Variants in PIP5K1B observed in about 807,000 individuals in gnomAD.
PIP5K1B encodes phosphatidylinositol-4-phosphate 5-kinase type 1 beta.
In PIP5K1B, 42 loss-of-function variants were observed where a neutral mutation model predicts 67.0. The ratio of observed to expected loss-of-function variants is 0.63; its 90% CI spans 0.49 to 0.81. The LOEUF (loss-of-function observed/expected upper bound fraction) is 0.81. Among genes scored for constraint, PIP5K1B ranks in the 30% least tolerant of loss-of-function variants. PIP5K1B has a pLI of 0.00. For missense variants in PIP5K1B, 459 were observed against 646.3 expected (o/e 0.71, Z 3.14); for synonymous variants, 214 against 231.4 (o/e 0.92, Z 0.68).
intron 4 of PIP5K1B, among the ~76,000 whole-genome samples, chr9:68,857,959 T>TTGTTGTTGTTG (rs1822867352): frequency 6.0e-5 from 9 of 149,306 alleles, no homozygotes; most frequent in African/African-American, 2.2e-4. Context: ...CTCTTGCTGT[T>TTGTTGTTGTTG]TTGTTGTTGT....
intron 14 of PIP5K1B, among the ~76,000 whole-genome samples, chr9:68,975,266 G>A (rs1444428077): frequency 2.0e-5 from 3 of 151,472 alleles, no homozygotes; most frequent in Non-Finnish European, 4.4e-5. Context: ...ACAGGGTTTC[G>A]CCATTTTCCC....
At chr9:68,791,082 A>G (rs562653709) in intron 2 of PIP5K1B, among the ~76,000 whole-genome samples, 4 of 152,304 alleles carry the variant, frequency 2.6e-5, no homozygotes, top group South Asian at 2.1e-4. Context: ...CCAGTTGCCT[A>G]CAGTGGTCCC....
chr9:68,758,087 T>G (rs1263967099), intron 2 of PIP5K1B, among the ~76,000 whole-genome samples: 2 of 151,808 alleles, frequency 1.3e-5, no homozygotes, highest in East Asian at 3.9e-4. Flanking sequence ...CGGAAAGAGG[T>G]TTAGAACTTG....
chr9:68,830,405 A>G (rs1042534042), intron 4 of PIP5K1B, among the ~76,000 whole-genome samples: 1 of 147,830 alleles, frequency 6.8e-6, no homozygotes, highest in Admixed American at 6.9e-5. Context: ...AAGCAAAAAG[A>G]ATTGGCAGCT....
At position 68,863,864 on chromosome 9, in the gene PIP5K1B, A is replaced by G; in HGVS notation, c.97A>G (p.Ile33Val). The G allele has an allele frequency of 6.2e-7, 1 of 1,613,870 alleles. No individual in the cohort carries two copies. ...KTASSAIKGA[I>V]QLGIGYTVGN... is the part of the protein sequence containing the mutation. ...TGCATCATCTGCTATTAAAGGTGCT[A>G]TTCAGCTGGGAATAGGATACACAGT... Residue 33 changes from isoleucine (I) to valine (V), a missense_variant, in exon 5 of 16, where the codon ATT (isoleucine) becomes GTT (valine). Ile to Val is a conservative substitution (Grantham distance 29). Transcript: ENST00000265382.
intron 15 of PIP5K1B, among the ~76,000 whole-genome samples, chr9:69,002,171 T>A (rs1888333): frequency 0.6 from 91,901 of 151,976 alleles, 27,897 homozygotes; most frequent in South Asian, 0.63. Flanking sequence ...CTACCAGATC[T>A]GGAACAAAAT....
intron 13 of PIP5K1B, among the ~76,000 whole-genome samples, chr9:68,939,532 C>T (rs1368294379): frequency 1.3e-5 from 2 of 152,208 alleles, no homozygotes; most frequent in Admixed American, 1.3e-4. Context: ...TGAAGCCTTT[C>T]TAATTTTTGA....
At chr9:68,714,827 C>T (rs1382234884) in intron 1 of PIP5K1B, among the ~76,000 whole-genome samples, 1 of 151,992 alleles carries the variant, frequency 6.6e-6, no homozygotes, top group Non-Finnish European at 1.5e-5. Context: ...ACTTGCCCAA[C>T]CCTACCGCAA....
At chr9:68,912,396 A>G (rs1303846024) in intron 8 of PIP5K1B, among the ~76,000 whole-genome samples, 1 of 152,220 alleles carries the variant, frequency 6.6e-6, no homozygotes, top group East Asian at 1.9e-4. Flanking sequence ...AAAAAGTGGA[A>G]AAGTCAAATA....
chr9:68,943,822 C>T (rs1004983039), intron 14 of PIP5K1B, among the ~76,000 whole-genome samples: 1 of 152,178 alleles, frequency 6.6e-6, no homozygotes, highest in African/African-American at 2.4e-5. Context: ...GCTGCAAATA[C>T]TTCAACTAGC....
chr9:68,731,868 T>G (rs2132290757), intron 1 of PIP5K1B, among the ~76,000 whole-genome samples: 1 of 152,348 alleles, frequency 6.6e-6, no homozygotes, highest in Admixed American at 6.5e-5. Flanking sequence ...ATTATACTGT[T>G]TACTTTTGAA....
chr9:68,861,323 AC>A (rs1229165460), intron 4 of PIP5K1B, among the ~76,000 whole-genome samples: 1 of 152,102 alleles, frequency 6.6e-6, no homozygotes, highest in Non-Finnish European at 1.5e-5. Flanking sequence ...TTTGGTCCTC[AC>A]TCCAGACCTT....
chr9:68,817,085 A>C (rs535203403), intron 2 of PIP5K1B, among the ~76,000 whole-genome samples: 3 of 152,256 alleles, frequency 2.0e-5, no homozygotes, highest in Non-Finnish European at 2.9e-5. Context: ...ACAGCCCAGT[A>C]TAAAAATAGT....
chr9:68,918,186 T>C (rs1435446795), intron 9 of PIP5K1B, among the ~76,000 whole-genome samples: 3 of 150,814 alleles, frequency 2.0e-5, no homozygotes. Flanking sequence ...ACCTCCCAGG[T>C]TCAAGCGATT....
At chr9:68,938,610 A>G (rs1827395513) in intron 13 of PIP5K1B, among the ~76,000 whole-genome samples, 1 of 152,122 alleles carries the variant, frequency 6.6e-6, no homozygotes, top group Admixed American at 6.6e-5. Context: ...TAATATTGTT[A>G]TGTGTGAATT....
intron 6 of PIP5K1B, among the ~76,000 whole-genome samples, chr9:68,885,977 C>T (rs1438007502): frequency 6.6e-6 from 1 of 152,078 alleles, no homozygotes; most frequent in African/African-American, 2.4e-5. Context: ...GTCAGGAGAT[C>T]GAGACCATCC....
At chr9:68,726,614 CA>C (rs1828159691) in intron 1 of PIP5K1B, among the ~76,000 whole-genome samples, 1 of 152,116 alleles carries the variant, frequency 6.6e-6, no homozygotes, top group African/African-American at 2.4e-5. Flanking sequence ...GCAACCTCAA[CA>C]AAAGAAAAAG....
intron 14 of PIP5K1B, among the ~76,000 whole-genome samples, chr9:68,987,653 C>A (rs1376189130): frequency 6.6e-6 from 1 of 152,058 alleles, no homozygotes; most frequent in Admixed American, 6.6e-5. Flanking sequence ...TAAAGACATA[C>A]CCGAGACTGG....
chr9:68,787,148 G>C (rs17391162), intron 2 of PIP5K1B, among the ~76,000 whole-genome samples: 40,722 of 152,056 alleles, frequency 0.27, 5,861 homozygotes, highest in Admixed American at 0.32. Flanking sequence ...TAGGAAAAAG[G>C]CTGGTGAATT....
Sources: gnomAD v4.1 joint callset for allele counts (sites outside exome capture counted in the v4.1 genomes callset) on GRCh38, gnomAD v4.1.1 for gene constraint, MANE v1.5 for transcripts, NCBI Gene and HGNC (gene_info 2026-07-23, HGNC 2026-07-21) for gene names.